The following CNNM1 variants were observed in gnomAD, a reference collection of about 807,000 sequenced individuals.
CNNM1 encodes the protein cyclin and CBS domain divalent metal cation transport mediator 1, also known as metal transporter CNNM1.
Under a neutral mutation model 78.8 loss-of-function variants are expected in CNNM1, and 44 were observed. That is an observed-to-expected ratio of 0.56 (90% confidence interval 0.44 to 0.72). The LOEUF is 0.72. CNNM1 is among the 30% of genes least tolerant of loss of function. The pLI is 0.00. For synonymous variants in CNNM1, 584 were observed against 581.5 expected (o/e 1.00, Z -0.06); for missense variants, 1,101 against 1,292.2 (o/e 0.85, Z 2.27).
chr10:99,380,016 T>G (rs1406548467), intron 7 of CNNM1, among the ~76,000 whole-genome samples: 2 of 127,558 alleles, frequency 1.6e-5, no homozygotes, highest in Admixed American at 8.8e-5. Flanking sequence ...GGAAGTAAAC[T>G]CTCTCTTTTT....
chr10:99,362,211 A>AG lies in CNNM1; in HGVS notation c.1859-16_1859-15insG. The AG allele has an allele frequency of 1.3e-6, 2 of 1,593,896 alleles. No homozygotes were observed. On this transcript the variant is annotated splice_polypyrimidine_tract_variant and intron_variant, in intron 3 of 10. Transcript: ENST00000356713. ...AGCTGATGCTGATTCCTCCCTTCCC[A>AG]CTCACTCTCCTCTAGAAGTGGAGCC...
In CNNM1 at chr10:99,391,726, G is replaced by A. The variant is rs2032478993; in HGVS notation, c.*210G>A. On this transcript the variant is annotated 3_prime_UTR_variant, in exon 11 of 11. Transcript: ENST00000356713. ...GAACCTTGACATGGCCATAACAGAA[G>A]GAGGTGCCTCTGATAGAACATGCTA... 1.9e-6 allele frequency: 1 copy of A among 533,358 alleles called. No individual in the cohort carries two copies. The highest frequency in any genetic ancestry group is 1.9e-5 in the African/African-American group (1 of 52,378). The allele number at this position is 533,358 out of a possible 1,614,324, so 33.0% of individuals were successfully genotyped here.
rs1207205101 is a variant in CNNM1 at position 99,393,792 on chromosome 10, A to C, written c.*2276A>C. 1 of 152,252 alleles carries C rather than the reference A, an allele frequency of 6.6e-6. No individual in the cohort carries two copies. Among genetic ancestry groups the C allele is most frequent in the East Asian group, 1.9e-4 (1 of 5,200 alleles). The allele number at this position is 152,252 out of a possible 1,614,324, so 9.4% of individuals were successfully genotyped here. A position where few individuals can be genotyped will look rare whatever the true frequency, so the allele number is the denominator to read the frequency against. ...ACCCAGAGCAGGTGTTGCAGACAGGAGGGCCACAGCGTGTGGAAGTAAAGA... is the reference window on the plus strand; with the variant it reads ...ACCCAGAGCAGGTGTTGCAGACAGGCGGGCCACAGCGTGTGGAAGTAAAGA... On this transcript the variant is annotated 3_prime_UTR_variant, in exon 11 of 11. Transcript: ENST00000356713.
chr10:99,383,889 G>T (rs751234127), intron 7 of CNNM1, among the ~76,000 whole-genome samples: 1 of 152,180 alleles, frequency 6.6e-6, no homozygotes, highest in Non-Finnish European at 1.5e-5. Flanking sequence ...GTTACATGTG[G>T]CTGTTGAATG....
chr10:99,344,674 C>T (rs932486262), intron 1 of CNNM1, among the ~76,000 whole-genome samples: 2 of 152,116 alleles, frequency 1.3e-5, no homozygotes, highest in Non-Finnish European at 2.9e-5. Flanking sequence ...CATCACTCTG[C>T]TCTTCCTCAG....
At chr10:99,384,096 T>C (rs1224966224) in intron 7 of CNNM1, among the ~76,000 whole-genome samples, 1 of 152,240 alleles carries the variant, frequency 6.6e-6, no homozygotes, top group African/African-American at 2.4e-5. Flanking sequence ...TTTTAAAATG[T>C]GACTACTAGA....
intron 1 of CNNM1, among the ~76,000 whole-genome samples, chr10:99,333,345 T>C (rs1214385039): frequency 6.6e-6 from 1 of 151,836 alleles, no homozygotes; most frequent in Non-Finnish European, 1.5e-5. Flanking sequence ...TTGTTTAGGT[T>C]TGTTTGTTTG....
chr10:99,344,278 G>A (rs1283297168), intron 1 of CNNM1, among the ~76,000 whole-genome samples: 1 of 147,906 alleles, frequency 6.8e-6, no homozygotes. Context: ...GTTGCAGTGA[G>A]CTGAGATCAT....
intron 6 of CNNM1, among the ~76,000 whole-genome samples, chr10:99,371,289 G>C (rs995601929): frequency 2.6e-5 from 4 of 152,152 alleles, no homozygotes; most frequent in Admixed American, 6.6e-5. Flanking sequence ...TCCAGGTTGT[G>C]GTGTGGTTAA....
intron 6 of CNNM1, among the ~76,000 whole-genome samples, chr10:99,376,343 A>T (rs2031961559): frequency 6.6e-6 from 1 of 152,242 alleles, no homozygotes; most frequent in Non-Finnish European, 1.5e-5. Flanking sequence ...GTTGCTATGA[A>T]CATTTGTCAA....
chr10:99,377,605 A>C (rs962997674), intron 7 of CNNM1, among the ~76,000 whole-genome samples: 1 of 152,218 alleles, frequency 6.6e-6, no homozygotes. Flanking sequence ...GCAGGTGATT[A>C]ATAAACAAAG....
intron 1 of CNNM1, among the ~76,000 whole-genome samples, chr10:99,342,946 T>C (rs1327706990): frequency 1.3e-5 from 2 of 152,082 alleles, no homozygotes; most frequent in Non-Finnish European, 1.5e-5. Flanking sequence ...GATCACCTAG[T>C]CCCATCTTTT....
chr10:99,342,495 A>T (rs1186194835), intron 1 of CNNM1, among the ~76,000 whole-genome samples: 1 of 152,166 alleles, frequency 6.6e-6, no homozygotes, highest in Non-Finnish European at 1.5e-5. Flanking sequence ...GGTGTTGATT[A>T]TTTCTGATAA....
At chr10:99,356,600 G>GAAAGA (rs201882984) in intron 1 of CNNM1, among the ~76,000 whole-genome samples, 1,570 of 129,052 alleles carry the variant, frequency 0.012, 23 homozygotes, top group East Asian at 0.047. Context: ...AAGAAAGAAA[G>GAAAGA]AAAGAAAAGA....
rs774974042 is a variant in CNNM1, at chr10:99,329,629, C to G, written c.242C>G (p.Pro81Arg). ...CGTGTCTATTTCCAGCCAGGACCGC[C>G]GGCCACCGCCGCACCGGTGCCCTCA... is the stretch of plus-strand genomic sequence containing the variant. ...LLRVYFQPGP[P>R]ATAAPVPSPT... The change falls in exon 1 of 11, where the codon CCG becomes CGG. Residue 81 changes from proline to arginine, a missense_variant. Pro to Arg is a moderately radical substitution (Grantham distance 103). Coordinates refer to ENST00000356713, the MANE Select transcript of CNNM1 (RefSeq NM_020348.3). The G allele has an allele frequency of 8.0e-6, 12 of 1,506,836 alleles. No individual in the cohort carries two copies. In the East Asian group the frequency reaches 2.9e-4, roughly 36 times the overall value. The allele number at this position is 1,506,836 out of a possible 1,614,324, so 93.3% of individuals were successfully genotyped here.
At chr10:99,379,675 C>T (rs556001967) in intron 7 of CNNM1, among the ~76,000 whole-genome samples, 125 of 142,318 alleles carry the variant, frequency 8.8e-4, no homozygotes, top group African/African-American at 3.0e-3. Flanking sequence ...ACAGGATTCT[C>T]ACTATGTTTC....
Position 99,329,514 on chromosome 10 carries a change from C to A in CNNM1, c.127C>A (p.Leu43Met). The change falls in exon 1 of 11, where the codon CTG becomes ATG. Residue 43 changes from leucine (L) to methionine (M), a missense_variant. Around this residue, in one of 3 missense-constraint regions of CNNM1, gnomAD observed 476 missense variants for 484.5 expected, o/e 0.98. Transcript: ENST00000356713. ...GCCCCCGGCCGCCGCCGCCTGGCTGCTGGGCCTGCGGCCCGAGGACACTGC... is the reference window on the plus strand; with the variant it reads ...GCCCCCGGCCGCCGCCGCCTGGCTGATGGGCCTGCGGCCCGAGGACACTGC... ...PRPPAAAAWL[L>M]GLRPEDTAGG... The A allele has an allele frequency of 6.6e-7, 1 of 1,509,880 alleles. No individual in the cohort carries two copies. The allele number at this position is 1,509,880 out of a possible 1,614,324, so 93.5% of individuals were successfully genotyped here. A position where few individuals can be genotyped will look rare whatever the true frequency, so the allele number is the denominator to read the frequency against.
At position 99,329,538 on chromosome 10, in the gene CNNM1, G is replaced by T; in HGVS notation, c.151G>T (p.Ala51Ser). 6.6e-7 allele frequency: 1 copy of T among 1,514,018 alleles called. No homozygotes were observed. 93.8% of individuals were successfully genotyped at this position (1,514,018 alleles called of 1,614,324 possible). ...WLLGLRPEDT[A>S]GGRVSLEGGT... is the part of the protein sequence containing the mutation. ...GCTGGGCCTGCGGCCCGAGGACACT[G>T]CTGGAGGCCGCGTGTCCCTGGAGGG... The change falls in exon 1 of 11, where the codon GCT becomes TCT. Residue 51 changes from alanine to serine, a missense_variant. Physicochemically the swap from Ala to Ser is moderately conservative, Grantham distance 99. Transcript: ENST00000356713.
chr10:99,377,318 C>A (rs111548888), intron 7 of CNNM1, 100 bp downstream of exon 7: 12 of 1,128,528 alleles, frequency 1.1e-5, no homozygotes, highest in African/African-American at 9.1e-5. Context: ...GGGATGTGTG[C>A]ACCATTCCCC....
Sources: gnomAD v4.1 joint callset for allele counts (sites outside exome capture counted in the v4.1 genomes callset) on GRCh38, gnomAD v4.1.1 for gene constraint, gnomAD v4.1.1 regional missense constraint, MANE v1.5 for transcripts, NCBI Gene and HGNC (gene_info 2026-07-23, HGNC 2026-07-21) for gene names.